OSBPL8: variants seen among roughly 807,000 people sequenced by gnomAD.
OSBPL8 encodes the protein oxysterol-binding protein-related protein 8.
Under a neutral mutation model 125.5 loss-of-function variants are expected in OSBPL8, and 59 were observed. The observed-to-expected ratio is 0.47, with a 90% CI of 0.38 to 0.58. The LOEUF (loss-of-function observed/expected upper bound fraction) is 0.58, where lower values mean the gene tolerates loss of function less well. Among genes scored for constraint, OSBPL8 ranks in the 20% least tolerant of loss-of-function variants. OSBPL8 has a pLI of 0.00. For synonymous variants in OSBPL8, 330 were observed against 338.9 expected (o/e 0.97, Z 0.29); for missense variants, 758 against 1,047.8 (o/e 0.72, Z 3.82).
intron 16 of OSBPL8, among the ~76,000 whole-genome samples, chr12:76,377,731 A>G (rs1708770777): frequency 6.6e-6 from 1 of 152,142 alleles, no homozygotes; most frequent in Admixed American, 6.6e-5. Context: ...ACCACACTAA[A>G]CTGATGCAAA....
intron 6 of OSBPL8, 35 bp downstream of exon 6, chr12:76,402,654 T>A (rs878961759): frequency 6.8e-7 from 1 of 1,463,158 alleles, no homozygotes; most frequent in African/African-American, 1.4e-5. Context: ...CAAAGCACAA[T>A]GTAAATTACC....
In OSBPL8 at chr12:76,450,902, T is replaced by C. The variant is rs141783724; in HGVS notation, c.166A>G (p.Thr56Ala). ...AGAGATGGCTGATGCAAATCTTTGG[T>C]TGGCGTTGGATAAGCTTCTTTTCCT... is the stretch of plus-strand genomic sequence containing the variant. ...RQGKEAYPTP[T>A]KDLHQPSLSP... The change falls in exon 4 of 24, where the codon ACC (threonine) becomes GCC (alanine). Residue 56 changes from threonine to alanine, a missense_variant. Physicochemically the swap from Thr to Ala is moderately conservative, Grantham distance 58. Transcript: ENST00000261183. 1.1e-4 allele frequency: 174 copies of C among 1,614,026 alleles called. 3 individuals carry two copies. In the African/African-American group the frequency reaches 1.7e-3, roughly 16 times the overall value.
At chr12:76,459,443 TA>T (rs955574590) in intron 3 of OSBPL8, among the ~76,000 whole-genome samples, 1 of 152,188 alleles carries the variant, frequency 6.6e-6, no homozygotes, top group Non-Finnish European at 1.5e-5. Context: ...ACCCAAAGTA[TA>T]AAACAATTTT....
chr12:76,389,302 T>A (rs2136287211), intron 12 of OSBPL8, among the ~76,000 whole-genome samples: 1 of 152,268 alleles, frequency 6.6e-6, no homozygotes, highest in East Asian at 1.9e-4. Flanking sequence ...ACTGAACAAG[T>A]GTTTTTGTAG....
chr12:76,407,294 C>G (rs1044042918), intron 5 of OSBPL8, among the ~76,000 whole-genome samples: 1 of 152,176 alleles, frequency 6.6e-6, no homozygotes, highest in African/African-American at 2.4e-5. Flanking sequence ...CTTTGTCTCT[C>G]AGGCCAGAGT....
intron 3 of OSBPL8, among the ~76,000 whole-genome samples, chr12:76,458,309 C>G (rs754823944): frequency 1.8e-4 from 27 of 151,796 alleles, no homozygotes; most frequent in Non-Finnish European, 3.5e-4. Context: ...GATTTGTGTT[C>G]TTTTTTCTAT....
intron 1 of OSBPL8, among the ~76,000 whole-genome samples, chr12:76,501,808 G>T (rs1033274852): frequency 1.3e-5 from 2 of 152,242 alleles, no homozygotes; most frequent in Admixed American, 1.3e-4. Flanking sequence ...CCCAGTGGCA[G>T]GTAGATTACG....
intron 14 of OSBPL8, among the ~76,000 whole-genome samples, chr12:76,385,462 G>A (rs2136269072): frequency 6.6e-6 from 1 of 152,038 alleles, no homozygotes; most frequent in Non-Finnish European, 1.5e-5. Flanking sequence ...GGGAGAAGAG[G>A]GAATTAAAGA....
Position 76,466,725 on chromosome 12 carries a change from G to A in OSBPL8, c.43-6830C>T, listed in dbSNP as rs180861262. ...TGTAATCCCAGCACTTTAGGAGGCC[G>A]AAGCGGGTGGATCATTTGAGGTCAG... is the stretch of plus-strand genomic sequence containing the variant. On this transcript the variant is annotated intron_variant, in intron 2 of 23. Transcript: ENST00000261183. Among the ~76,000 whole-genome samples the A allele has an allele frequency of 2.4e-3, 359 of 152,222 alleles. 2 individuals carry two copies. Among genetic ancestry groups the A allele is most frequent in the African/African-American group, 8.0e-3 (331 of 41,544 alleles).
At position 76,502,466 on chromosome 12, in the gene OSBPL8, G is replaced by C. The variant is rs1258820423; in HGVS notation, c.-67-14848C>G. 4.6e-5 allele frequency among the ~76,000 whole-genome samples: 7 copies of C among 152,266 alleles called. No homozygotes were observed. The East Asian group carries it at 7.7e-4, about 17-fold the overall frequency. ...GCAGGCAAAGAAGGGGGTTTACTAG[G>C]CTGGCTGAGGTGAGCGATCCTAATT... On this transcript the variant is annotated intron_variant, in intron 1 of 23. Coordinates refer to ENST00000261183, the MANE Select transcript of OSBPL8 (RefSeq NM_020841.5).
intron 4 of OSBPL8, 76 bp downstream of exon 4, chr12:76,450,775 A>G (rs1592704673): frequency 7.8e-6 from 11 of 1,406,698 alleles, no homozygotes; most frequent in Non-Finnish European, 1.1e-5. Flanking sequence ...GATAGTCCCC[A>G]AATGTCATTC....
intron 1 of OSBPL8, among the ~76,000 whole-genome samples, chr12:76,521,746 A>T (rs532998287): frequency 6.6e-6 from 1 of 152,326 alleles, no homozygotes; most frequent in South Asian, 2.1e-4. Context: ...TACAATAGCC[A>T]AAATTGTAGA....
chr12:76,438,233 G>A (rs899771173), intron 4 of OSBPL8, among the ~76,000 whole-genome samples: 5 of 151,530 alleles, frequency 3.3e-5, no homozygotes, highest in East Asian at 1.9e-4. Flanking sequence ...TGATCCGCCC[G>A]CCTCGGCCTC....
chr12:76,508,249 G>T (rs1339094556), intron 1 of OSBPL8, among the ~76,000 whole-genome samples: 1 of 151,850 alleles, frequency 6.6e-6, no homozygotes, highest in Non-Finnish European at 1.5e-5. Context: ...CTGCAATTTT[G>T]ACTAAAAAAA....
intron 1 of OSBPL8, among the ~76,000 whole-genome samples, chr12:76,526,553 G>C (rs1040958007): frequency 6.8e-6 from 1 of 146,906 alleles, no homozygotes; most frequent in African/African-American, 2.5e-5. Context: ...GTCAAAAGCT[G>C]CATATTTTCT....
At chr12:76,365,202 A>G (rs536160540) in intron 21 of OSBPL8, among the ~76,000 whole-genome samples, 1 of 152,248 alleles carries the variant, frequency 6.6e-6, no homozygotes, top group Non-Finnish European at 1.5e-5. Flanking sequence ...TCGGCCTCCC[A>G]AAGTGCTGAG....
At chr12:76,504,566 A>C (rs550648286) in intron 1 of OSBPL8, among the ~76,000 whole-genome samples, 1 of 152,282 alleles carries the variant, frequency 6.6e-6, no homozygotes, top group African/African-American at 2.4e-5. Flanking sequence ...ACAGTGAGAA[A>C]ATTATGACAA....
chr12:76,548,703 C>G (rs1026850508), intron 1 of OSBPL8, among the ~76,000 whole-genome samples: 2 of 152,100 alleles, frequency 1.3e-5, no homozygotes, highest in African/African-American at 2.4e-5. Flanking sequence ...AGATCCTACT[C>G]TGTACTACCT....
chr12:76,375,704 C>G (rs1045791352), intron 16 of OSBPL8, among the ~76,000 whole-genome samples: 2 of 149,528 alleles, frequency 1.3e-5, no homozygotes, highest in Non-Finnish European at 3.0e-5. Context: ...TGAGGCTGAG[C>G]AAGGCAAACA....
Sources: allele counts gnomAD v4.1 joint callset (sites outside exome capture counted in the v4.1 genomes callset), GRCh38; gene constraint gnomAD v4.1.1; transcripts MANE v1.5; gene names NCBI Gene and HGNC (gene_info 2026-07-23, HGNC 2026-07-21).